Variants in TTN observed in about 807,000 individuals in gnomAD.
TTN encodes the protein titin.
Under a neutral mutation model 3,223.0 loss-of-function variants are expected in TTN, and 1,525 were observed. The ratio of observed to expected loss-of-function variants is 0.47; its 90% CI spans 0.45 to 0.49. The LOEUF (loss-of-function observed/expected upper bound fraction) is 0.49. Ranked by LOEUF, TTN falls within the 20% of genes least tolerant of loss-of-function variation. The pLI, the probability that TTN is intolerant of heterozygous loss-of-function variation, is 0.00. For missense variants in TTN, 40,786 were observed against 43,424.0 expected (o/e 0.94, Z 5.40); for synonymous variants, 14,094 against 15,161.0 (o/e 0.93, Z 5.17).
At position 178,777,686 on chromosome 2, in the gene TTN, A is replaced by C. The variant is rs1264716689; in HGVS notation, c.4480+18T>G. Reference sequence around the variant, plus strand: ...TTTGTGTTTTTATGATTCATGAGCAAAAACTTATCACGCTTACCATCATGA... The same window carrying C: ...TTTGTGTTTTTATGATTCATGAGCACAAACTTATCACGCTTACCATCATGA... On this transcript the variant is annotated intron_variant, in intron 25 of 362. Coordinates refer to ENST00000589042, the MANE Select transcript of TTN (RefSeq NM_001267550.2). 6.2e-7 allele frequency: 1 copy of C among 1,614,026 alleles called. No individual in the cohort carries two copies. Among genetic ancestry groups the C allele is most frequent in the Non-Finnish European group, 8.5e-7 (1 of 1,179,942 alleles).
chr2:178,722,416 T>C lies in TTN; in HGVS notation c.22371A>G (p.Val7457=), dbSNP rs1282337966. ...PIQVCWYRDG[V]LLRDDENLQT... Reference sequence around the variant, plus strand: ...GTAGATTTTCATCGTCTCTTAAAAGTACTCCATCTCTATACCAGCACACTT... The same window carrying C: ...GTAGATTTTCATCGTCTCTTAAAAGCACTCCATCTCTATACCAGCACACTT... The change falls in exon 77 of 363, where the codon GTA becomes GTG. Residue 7457 remains valine (V), a synonymous_variant. Coordinates refer to ENST00000589042, the MANE Select transcript of TTN (RefSeq NM_001267550.2). The C allele has an allele frequency of 2.5e-6, 4 of 1,613,486 alleles. No individual in the cohort carries two copies. In the East Asian group the frequency reaches 6.7e-5, roughly 27 times the overall value.
chr2:178,599,170 G>A lies in TTN; in HGVS notation c.56623C>T (p.Pro18875Ser). 1 of 1,506,152 alleles carries A rather than the reference G, an allele frequency of 6.6e-7. No individual in the cohort carries two copies. 93.3% of individuals were successfully genotyped at this position (1,506,152 alleles called of 1,614,324 possible). The change falls in exon 290 of 363, where the codon CCT becomes TCT. Residue 18875 changes from proline to serine, a missense_variant. Pro to Ser is a moderately conservative substitution (Grantham distance 74). Coordinates refer to ENST00000589042, the MANE Select transcript of TTN (RefSeq NM_001267550.2). ...CAGAAGAGGTTTCTTGCTGTTTCAG[G>A]TTCACTGTCAAGAGGTTCTCCAATG... Reference protein sequence around the residue: ...YGIGEPLDSEPETARNLFSVP... With the variant: ...YGIGEPLDSESETARNLFSVP...
chr2:178,638,837 G>C (rs2060852917), intron 223 of TTN, among the ~76,000 whole-genome samples: 2 of 151,886 alleles, frequency 1.3e-5, no homozygotes. Flanking sequence ...TTGTTATGTG[G>C]ATATATTTCA....
chr2:178,551,197 G>T lies in TTN; in HGVS notation c.91334C>A (p.Pro30445Gln), dbSNP rs749169334. 1.2e-6 allele frequency: 2 copies of T among 1,613,490 alleles called. No homozygotes were observed. The highest frequency in any genetic ancestry group is 1.7e-6 in the Non-Finnish European group (2 of 1,179,660). ...CTTACTGCCTCCATCACGCAATGGT[G>T]GGTTCCATTTAAGTGTGATGGTTTC... ...TRETITLKWN[P>Q]PLRDGGSKIV... The change falls in exon 336 of 363, where the codon CCA becomes CAA. Residue 30445 changes from proline (P) to glutamine (Q), a missense_variant. Pro to Gln is a moderately conservative substitution (Grantham distance 76, BLOSUM62 -1). Transcript: ENST00000589042.
chr2:178,533,872 G>C lies in TTN; in HGVS notation c.102743C>G (p.Thr34248Arg), dbSNP rs755009358. Residue 34248 changes from threonine (T) to arginine (R), a missense_variant, in exon 358 of 363, where the codon ACA becomes AGA. Transcript: ENST00000589042. ...CCTTTCCAGGAGTCTCATTGTGTCT[G>C]TTCTGCGCTTAATTTTCTTCATGGT... The part of the protein sequence containing the change: ...RRTMKKIKRR[T>R]DTMRLLERPP... 1.2e-6 allele frequency: 2 copies of C among 1,613,884 alleles called. No individual in the cohort carries two copies. Among genetic ancestry groups the C allele is most frequent in the East Asian group, 2.2e-5 (1 of 44,880 alleles).
In TTN at chr2:178,689,308, C is replaced by A. The variant is rs1199487720; in HGVS notation, c.31993G>T (p.Val10665Phe). 6.2e-7 allele frequency: 1 copy of A among 1,612,994 alleles called. No homozygotes were observed. The highest frequency in any genetic ancestry group is 1.3e-5 in the African/African-American group (1 of 74,822). Residue 10665 changes from valine (V) to phenylalanine (F), a missense_variant, in exon 124 of 363, where the codon GTT becomes TTT. By Grantham distance (50) the Val-to-Phe change is conservative (BLOSUM62 -1). Coordinates refer to ENST00000589042, the MANE Select transcript of TTN (RefSeq NM_001267550.2). ...RKPVPRKEEEVPPPPKVPALP... is the reference protein window; with the variant it reads ...RKPVPRKEEEFPPPPKVPALP... ...ACAATACCTTTTGGTGGTGGTGGAA[C>A]TTCTTCCTCCTTCCGAGGAACAGGT...
Position 178,590,587 on chromosome 2 carries a change from G to A in TTN, c.61138C>T (p.Leu20380=), listed in dbSNP as rs201167216. ...GCTGTTTCTCTGCTCTTGTCTTTCA[G>A]TTTAGGATTAATAGGTGGTCCAGGT... is the stretch of plus-strand genomic sequence containing the variant. ...KPPGPPINPK[L]KDKSRETADL... is the part of the protein sequence containing the mutation. Residue 20380 remains leucine (L), a synonymous_variant, in exon 304 of 363, where the codon CTG becomes TTG. Coordinates refer to ENST00000589042, the MANE Select transcript of TTN (RefSeq NM_001267550.2). 3 of 1,612,516 alleles carry A rather than the reference G, an allele frequency of 1.9e-6. No homozygotes were observed. Among genetic ancestry groups the A allele is most frequent in the Admixed American group, 1.7e-5 (1 of 59,872 alleles).
chr2:178,740,460 T>C lies in TTN; in HGVS notation c.12773A>G (p.Gln4258Arg). Residue 4258 changes from glutamine to arginine, a missense_variant, in exon 48 of 363, where the codon CAA becomes CGA. Transcript: ENST00000589042. ...GCTCTGACTCAAGATGAGCGCACTT[T>C]GTGCCTCTTGCTTTTGAAGAGTCAC... The part of the protein sequence containing the change: ...QRVTLQKQEA[Q>R]SALILSQSLA... 6.2e-7 allele frequency: 1 copy of C among 1,613,710 alleles called. No homozygotes were observed. The highest frequency in any genetic ancestry group is 1.3e-5 in the African/African-American group (1 of 75,048).
chr2:178,642,147 G>A, intron 219 of TTN, 90 bp downstream of exon 219: 1 of 1,132,850 alleles, frequency 8.8e-7, no homozygotes, highest in Non-Finnish European at 1.2e-6. Flanking sequence ...CCAATTCAAA[G>A]AAAACCAAAG....
rs1180576821 is a variant in TTN, at chr2:178,654,753, G to A, written c.38198C>T (p.Pro12733Leu). ...EAIPPKPESP[P>L]PEVPEVLPPK... The stretch of plus-strand genomic sequence containing the variant: ...TATAGCTTTGGCATTACCTTCAGGG[G>A]GAGGACTTTCCGGTTTGGGAGGAAT... Residue 12733 changes from proline to leucine, a missense_variant, in exon 191 of 363, where the codon CCC becomes CTC. By Grantham distance (98) the Pro-to-Leu change is moderately conservative. Coordinates refer to ENST00000589042, the MANE Select transcript of TTN (RefSeq NM_001267550.2). 6.9e-6 allele frequency: 4 copies of A among 579,642 alleles called. No homozygotes were observed. In the East Asian group the frequency reaches 9.7e-5, roughly 14 times the overall value. The allele number at this position is 579,642 out of a possible 1,614,324, so 35.9% of individuals were successfully genotyped here.
Position 178,549,789 on chromosome 2 carries a change from G to T in TTN, c.91933C>A (p.Leu30645Ile). 3.1e-6 allele frequency: 5 copies of T among 1,611,600 alleles called. No homozygotes were observed. Among genetic ancestry groups the T allele is most frequent in the Non-Finnish European group, 4.2e-6 (5 of 1,178,022 alleles). ...EKMTLWWDAP[L>I]NDGCAPITHY... The stretch of plus-strand genomic sequence containing the variant: ...GTTATGGGAGCACAACCGTCATTGA[G>T]TGGGGCATCCCACCACAGAGTCATC... Residue 30645 changes from leucine (L) to isoleucine (I), a missense_variant, in exon 338 of 363, where the codon CTC becomes ATC. Coordinates refer to ENST00000589042, the MANE Select transcript of TTN (RefSeq NM_001267550.2).
chr2:178,562,699 T>A lies in TTN; in HGVS notation c.83433A>T (p.Lys27811Asn). ...AATTATTTGTAATGGTAGCATAGGCTTTTCTTGTAGTTTCTCGTTTTTCGA... is the reference window on the plus strand; with the variant it reads ...AATTATTTGTAATGGTAGCATAGGCATTTCTTGTAGTTTCTCGTTTTTCGA... ...YIVEKRETTR[K>N]AYATITNNCT... The change falls in exon 326 of 363, where the codon AAA (lysine) becomes AAT (asparagine). Residue 27811 changes from lysine (K) to asparagine (N), a missense_variant. Lys to Asn is a moderately conservative substitution (Grantham distance 94). Coordinates refer to ENST00000589042, the MANE Select transcript of TTN (RefSeq NM_001267550.2). 1 of 1,595,972 alleles carries A rather than the reference T, an allele frequency of 6.3e-7. No homozygotes were observed. The highest frequency in any genetic ancestry group is 8.5e-7 in the Non-Finnish European group (1 of 1,172,486).
intron 12 of TTN, 32 bp downstream of exon 12, chr2:178,789,946 G>T: frequency 6.2e-7 from 1 of 1,611,440 alleles, no homozygotes; most frequent in South Asian, 1.1e-5. Flanking sequence ...GTTTAAAGAT[G>T]AACTTTTCAC....
intron 126 of TTN, among the ~76,000 whole-genome samples, chr2:178,688,474 C>G (rs1443247355): frequency 6.6e-6 from 1 of 152,206 alleles, no homozygotes; most frequent in African/African-American, 2.4e-5. Flanking sequence ...GACTCATCCA[C>G]TTCCTTCGAA....
Position 178,599,662 on chromosome 2 carries a change from A to C in TTN, c.56239T>G (p.Cys18747Gly). 6.2e-7 allele frequency: 1 copy of C among 1,613,070 alleles called. No homozygotes were observed. Among genetic ancestry groups the C allele is most frequent in the Non-Finnish European group, 8.5e-7 (1 of 1,179,376 alleles). Residue 18747 changes from cysteine (C) to glycine (G), a missense_variant, in exon 289 of 363, where the codon TGC becomes GGC. Coordinates refer to ENST00000589042, the MANE Select transcript of TTN (RefSeq NM_001267550.2). Reference sequence around the variant, plus strand: ...CGAGACTGCGGAATAACTAAAGTGCAAGTATCATCTACCACCAGTTTGTTG... The same window carrying C: ...CGAGACTGCGGAATAACTAAAGTGCCAGTATCATCTACCACCAGTTTGTTG... ...HVNKLVVDDT[C>G]TLVIPQSRRS...
rs1292185230 is a variant in TTN at position 178,789,460 on chromosome 2, A to G, written c.1976T>C (p.Ile659Thr). The change falls in exon 13 of 363, where the codon ATA becomes ACA. Residue 659 changes from isoleucine (I) to threonine (T), a missense_variant. Ile to Thr is a moderately conservative substitution (Grantham distance 89). Transcript: ENST00000589042. ...TTTGGCTTTAGCAGTAGCAACTGCT[A>G]TTGTAGACAAGGCAGTTTTCTCGGC... Reference protein sequence around the residue: ...KEAEKTALSTIAVATAKAKEQ... With the variant: ...KEAEKTALSTTAVATAKAKEQ... The G allele has an allele frequency of 1.9e-6, 3 of 1,613,322 alleles. No homozygotes were observed. The highest frequency in any genetic ancestry group is 2.2e-5 in the East Asian group (1 of 44,824).
At position 178,534,064 on chromosome 2, in the gene TTN, T is replaced by G. The variant is rs920777916; in HGVS notation, c.102551A>C (p.Glu34184Ala). 1 of 1,613,970 alleles carries G rather than the reference T, an allele frequency of 6.2e-7. No individual in the cohort carries two copies. The highest frequency in any genetic ancestry group is 1.7e-5 in the Admixed American group (1 of 60,026). ...GGCCACTCCATCTTCGTAGGTGATT[T>G]CGTATTTCTCACTGTTCTCCAGCTG... ...VRQLENSEKYEITYEDGVAIL... is the reference protein window; with the variant it reads ...VRQLENSEKYAITYEDGVAIL... Residue 34184 changes from glutamate to alanine, a missense_variant, in exon 358 of 363, where the codon GAA (glutamate) becomes GCA (alanine). Coordinates refer to ENST00000589042, the MANE Select transcript of TTN (RefSeq NM_001267550.2).
At chr2:178,683,024 C>A in intron 134 of TTN, 121 bp from the exon 135 acceptor site, 1 of 1,094,954 alleles carries the variant, frequency 9.1e-7, no homozygotes, top group Non-Finnish European at 1.3e-6. Context: ...TTATGGGAGA[C>A]CCTGACTGTT....
At chr2:178,555,250 A>G in intron 330 of TTN, 98 bp from the exon 331 acceptor site, 1 of 1,076,396 alleles carries the variant, frequency 9.3e-7, no homozygotes, top group Non-Finnish European at 1.4e-6. Flanking sequence ...CCATTATTAA[A>G]TTATACACAC....
Sources: allele counts gnomAD v4.1 joint callset (sites outside exome capture counted in the v4.1 genomes callset), GRCh38; gene constraint gnomAD v4.1.1; transcripts MANE v1.5; gene names NCBI Gene and HGNC (gene_info 2026-07-23, HGNC 2026-07-21).